The following GRAMD4 variants were observed in gnomAD, a reference collection of about 807,000 sequenced individuals.
The protein encoded by GRAMD4 is GRAM domain-containing protein 4.
In GRAMD4, 25 loss-of-function variants were observed where a neutral mutation model predicts 83.9. The ratio of observed to expected loss-of-function variants is 0.30; its 90% CI spans 0.22 to 0.42. GRAMD4 has a LOEUF of 0.42. Among genes scored for constraint, GRAMD4 ranks in the 10% least tolerant of loss-of-function variants. The probability of loss-of-function intolerance (pLI) is 1.00; values close to 1 mark genes in which losing one functional copy is unlikely to be tolerated. For synonymous variants in GRAMD4, 336 were observed against 320.9 expected, an observed-to-expected ratio of 1.05 and a Z score of -0.50; for missense variants, 593 against 788.7, an observed-to-expected ratio of 0.75 and a Z score of 2.97.
At chr22:46,635,733 C>G (rs1445156643) in intron 2 of GRAMD4, among the ~76,000 whole-genome samples, 4 of 79,842 alleles carry the variant, frequency 5.0e-5, no homozygotes, top group African/African-American at 1.9e-4. Context: ...CCTGGGGGCC[C>G]GTGTCCTCCC....
At position 46,620,568 on chromosome 22, in the gene GRAMD4, AG is replaced by A; in HGVS notation, c.-50+8del. On this transcript the variant is annotated splice_donor_region_variant and intron_variant, in intron 1 of 18. Transcript: ENST00000406902. The surrounding 1 kb of genome is among the most constrained non-coding windows in gnomAD (Gnocchi z 4.7). Reference sequence around the variant, plus strand: ...GGATGTATCTGAGACAGACGGAGGTAGGGGGCAGGGGGCAGGGGGCAGGGGG... The same window carrying A: ...GGATGTATCTGAGACAGACGGAGGTAGGGGCAGGGGGCAGGGGGCAGGGGG... 1 of 1,546 alleles carries A rather than the reference AG, an allele frequency of 6.5e-4. No individual in the cohort carries two copies. Among genetic ancestry groups the A allele is most frequent in the Non-Finnish European group, 1.5e-3 (1 of 656 alleles). 0.1% of individuals were successfully genotyped at this position (1,546 alleles called of 1,614,324 possible). A position where few individuals can be genotyped will look rare whatever the true frequency, so the allele number is the denominator to read the frequency against.
rs2082397555 is a variant in GRAMD4, at chr22:46,665,669, G to A, written c.772G>A (p.Ala258Thr). The part of the protein sequence containing the change: ...GWAIPLFLFL[A>T]ILRLSLNYLI... ...GGCCATCCCATTGTTCTTATTTCTA[G>A]CAATTCTGAGGTTATCCCTCAATTA... Residue 258 changes from alanine to threonine, a missense_variant, in exon 9 of 19, where the codon GCA (alanine) becomes ACA (threonine). Physicochemically the swap from Ala to Thr is moderately conservative, Grantham distance 58. Coordinates refer to ENST00000406902, the MANE Select transcript of GRAMD4 (RefSeq NM_015124.5). The A allele has an allele frequency of 6.2e-7, 1 of 1,606,142 alleles. No homozygotes were observed. The highest frequency in any genetic ancestry group is 8.5e-7 in the Non-Finnish European group (1 of 1,173,334).
chr22:46,648,117 G>A (rs940141895), intron 3 of GRAMD4, among the ~76,000 whole-genome samples: 1 of 152,020 alleles, frequency 6.6e-6, no homozygotes, highest in Non-Finnish European at 1.5e-5. Flanking sequence ...TGGGTGGACG[G>A]GTGGGTGGAT....
At chr22:46,633,366 C>T (rs1236179342) in intron 2 of GRAMD4, among the ~76,000 whole-genome samples, 1 of 152,236 alleles carries the variant, frequency 6.6e-6, no homozygotes, top group African/African-American at 2.4e-5. Context: ...CCCTCTCCTG[C>T]CCTCCCTGGG....
intron 1 of GRAMD4, among the ~76,000 whole-genome samples, chr22:46,608,938 A>C (rs1370436750): frequency 2.0e-5 from 3 of 152,014 alleles, no homozygotes; most frequent in Non-Finnish European, 4.4e-5. Context: ...GGGCAGTGGC[A>C]CGTGCCTGTA....
At position 46,668,970 on chromosome 22, in the gene GRAMD4, C is replaced by A. The variant is rs374546072; in HGVS notation, c.1084+62C>A. The A allele has an allele frequency of 1.8e-4, 156 of 882,232 alleles. No individual in the cohort carries two copies. The African/African-American group carries it at 2.2e-3, about 13-fold the overall frequency. The allele number at this position is 882,232 out of a possible 1,614,324, so 54.7% of individuals were successfully genotyped here. On this transcript the variant is annotated intron_variant, in intron 13 of 18. Transcript: ENST00000406902. ...GAGGGACACAGGTGTCCGCATGCCA[C>A]CAGTGTCTGCCAGGTGTCTGCAAGA...
chr22:46,669,763 G>A (rs940109301), intron 13 of GRAMD4, among the ~76,000 whole-genome samples: 11 of 152,048 alleles, frequency 7.2e-5, no homozygotes, highest in African/African-American at 2.7e-4. Context: ...ATTTTTAGTA[G>A]AGACGGGGTT....
chr22:46,632,010 G>A (rs12162984), intron 2 of GRAMD4, among the ~76,000 whole-genome samples: 57,547 of 148,552 alleles, frequency 0.39, 12,180 homozygotes, highest in East Asian at 0.57. Flanking sequence ...AGACCCTTAC[G>A]GCGTGTGTCT....
Position 46,612,956 on chromosome 22 carries a change from C to G in GRAMD4, c.-49-13795C>G, listed in dbSNP as rs564919617. Among the ~76,000 whole-genome samples the G allele has an allele frequency of 1.2e-4, 18 of 152,346 alleles. No homozygotes were observed. In the East Asian group the frequency reaches 2.5e-3, roughly 21 times the overall value. On this transcript the variant is annotated intron_variant, in intron 1 of 1. Transcript: ENST00000431155. ...GCTCACCCACAGGCCCTTCCTGCCC[C>G]ACCCGTGGACTTTGGGCTTGGGTCC... is the stretch of plus-strand genomic sequence containing the variant.
chr22:46,604,931 G>C (rs1356343874), intron 1 of GRAMD4, among the ~76,000 whole-genome samples: 51 of 62,210 alleles, frequency 8.2e-4, no homozygotes, highest in African/African-American at 1.2e-3. Flanking sequence ...CCATAATGTT[G>C]TCTGGGTTCA....
At chr22:46,651,263 GGTT>G (rs1159235765) in intron 3 of GRAMD4, among the ~76,000 whole-genome samples, 3 of 152,318 alleles carry the variant, frequency 2.0e-5, no homozygotes, top group Non-Finnish European at 1.5e-5. Flanking sequence ...CCTCCCACTG[GGTT>G]CCTTGCCATT....
At chr22:46,626,721 C>G in intron 1 of GRAMD4, 30 bp from the exon 2 acceptor site, 1 of 1,445,658 alleles carries the variant, frequency 6.9e-7, no homozygotes, top group Non-Finnish European at 9.6e-7. Flanking sequence ...AGGTGGCGAG[C>G]GGGAGAGTGA....
intron 2 of GRAMD4, among the ~76,000 whole-genome samples, chr22:46,635,696 C>T (rs1382275709): frequency 7.3e-6 from 1 of 136,200 alleles, no homozygotes; most frequent in African/African-American, 3.0e-5. Flanking sequence ...TGTGTCCTCC[C>T]TGCTCCCCAC....
chr22:46,647,133 CT>C (rs1363927474), intron 3 of GRAMD4, among the ~76,000 whole-genome samples: 1 of 152,152 alleles, frequency 6.6e-6, no homozygotes, highest in Non-Finnish European at 1.5e-5. Flanking sequence ...CTGGGTTGGT[CT>C]GGTTCTGCCC....
At chr22:46,580,456 G>A (rs1235432910) in intron 1 of GRAMD4, among the ~76,000 whole-genome samples, 4 of 152,240 alleles carry the variant, frequency 2.6e-5, no homozygotes, top group South Asian at 2.1e-4. Flanking sequence ...GTCTTCCACC[G>A]TCAGGTGTGG....
intron 1 of GRAMD4, among the ~76,000 whole-genome samples, chr22:46,597,695 T>C (rs1289314674): frequency 6.6e-6 from 1 of 152,014 alleles, no homozygotes; most frequent in Non-Finnish European, 1.5e-5. Context: ...TTCACCGTGT[T>C]AGCCAGGATG....
intron 1 of GRAMD4, among the ~76,000 whole-genome samples, chr22:46,582,400 G>A (rs557602294): frequency 1.3e-5 from 2 of 152,224 alleles, no homozygotes; most frequent in Non-Finnish European, 2.9e-5. Flanking sequence ...GGCCGTTCCT[G>A]GGACCTCTCT....
chr22:46,626,975 C>T lies in GRAMD4; in HGVS notation c.162+14C>T, dbSNP rs558370908. Reference sequence around the variant, plus strand: ...CTGAGGGACCCTGTGAGTACCTGTCCTCGTCCCCCGGTGTGGGCTGGGGTG... The same window carrying T: ...CTGAGGGACCCTGTGAGTACCTGTCTTCGTCCCCCGGTGTGGGCTGGGGTG... On this transcript the variant is annotated intron_variant, in intron 2 of 18. Transcript: ENST00000406902. 1.9e-6 allele frequency: 3 copies of T among 1,596,732 alleles called. No individual in the cohort carries two copies. Among genetic ancestry groups the T allele is most frequent in the South Asian group, 2.2e-5 (2 of 90,722 alleles).
intron 2 of GRAMD4, among the ~76,000 whole-genome samples, chr22:46,628,773 G>A (rs1175630229): frequency 6.6e-6 from 1 of 152,128 alleles, no homozygotes; most frequent in Non-Finnish European, 1.5e-5. Flanking sequence ...GGATTTGGGG[G>A]GCATCAGGGA....
Sources: gnomAD v4.1 joint callset for allele counts (sites outside exome capture counted in the v4.1 genomes callset) on GRCh38, gnomAD v4.1.1 for gene constraint, Gnocchi (gnomAD v3.1) non-coding constraint, MANE v1.5 for transcripts, NCBI Gene and HGNC (gene_info 2026-07-23, HGNC 2026-07-21) for gene names.